WDSUB1: variants seen among roughly 807,000 people sequenced by gnomAD.
WDSUB1 encodes WD repeat, sterile alpha motif and U-box domain containing 1.
WDSUB1 carries 49 observed loss-of-function variants against 53.9 expected under a neutral mutation model. The observed-to-expected ratio is 0.91, with a 90% confidence interval of 0.72 to 1.15. The LOEUF is 1.15. Ranked by LOEUF, WDSUB1 falls within the 50% of genes most tolerant of loss-of-function variation. The pLI, the probability that WDSUB1 is intolerant of heterozygous loss-of-function variation, is 0.00. For missense variants in WDSUB1, 514 were observed against 562.0 expected, an observed-to-expected ratio of 0.91 and a Z score of 0.86; for synonymous variants, 194 against 200.6, an observed-to-expected ratio of 0.97 and a Z score of 0.28.
chr2:159,262,592 C>G (rs2061250276), intron 5 of WDSUB1, among the ~76,000 whole-genome samples: 1 of 152,114 alleles, frequency 6.6e-6, no homozygotes, highest in Admixed American at 6.5e-5. Context: ...ATTTTAAACT[C>G]ACTTCCTATT....
Position 159,256,198 on chromosome 2 carries a change from A to G in WDSUB1, c.1130T>C (p.Ile377Thr). 6.3e-7 allele frequency: 1 copy of G among 1,595,238 alleles called. No homozygotes were observed. The highest frequency in any genetic ancestry group is 8.5e-7 in the Non-Finnish European group (1 of 1,173,548). Residue 377 changes from isoleucine (I) to threonine (T), a missense_variant and splice_region_variant, in exon 9 of 11, where the codon ATT becomes ACT. Transcript: ENST00000359774. ...TGCCTATCTTTCACTAAGCTTACCA[A>G]TTTTCAAATCATCAGCCAGACTTTC... ...TKESLADDLK[I>T]ESLGLRSKVL...
intron 10 of WDSUB1, among the ~76,000 whole-genome samples, chr2:159,239,420 A>G (rs954147279): frequency 2.5e-4 from 38 of 152,310 alleles, no homozygotes; most frequent in African/African-American, 8.9e-4. Flanking sequence ...TACAAAATTC[A>G]TATTGTTTAT....
At chr2:159,286,441 A>C (rs943267397) in intron 1 of WDSUB1, 142 bp downstream of exon 1, 1 of 152,138 alleles carries the variant, frequency 6.6e-6, no homozygotes, top group Admixed American at 6.5e-5. Context: ...GCCTCGCCGC[A>C]CTCAAGGTCC....
chr2:159,248,827 A>C (rs2060881664), intron 9 of WDSUB1, among the ~76,000 whole-genome samples: 1 of 152,122 alleles, frequency 6.6e-6, no homozygotes, highest in South Asian at 2.1e-4. Flanking sequence ...GCTGGTCTCG[A>C]ATTCCTGGGT....
chr2:159,256,340 C>A lies in WDSUB1; in HGVS notation c.988G>T (p.Glu330Ter). The part of the protein sequence containing the change: ...RTEHQLKQFT[E>*]DWSEEDVSTW... ...GAGACATCCTCCTCTGACCAATCTTCGGTAAATTGCTTCAGCTGATGTTCT... is the reference window on the plus strand; with the variant it reads ...GAGACATCCTCCTCTGACCAATCTTAGGTAAATTGCTTCAGCTGATGTTCT... Residue 330 changes from glutamate to a stop codon, truncating the protein, a stop_gained, in exon 9 of 11, where the codon GAA becomes TAA. Transcript: ENST00000359774. LOFTEE classifies it high-confidence loss of function. The A allele has an allele frequency of 6.2e-7, 1 of 1,610,718 alleles. No homozygotes were observed. The highest frequency in any genetic ancestry group is 8.5e-7 in the Non-Finnish European group (1 of 1,178,910).
chr2:159,248,498 G>GCTGATT lies in WDSUB1; in HGVS notation c.1146_1147insAATCAG (p.Leu382_Arg383insAsnGln). On this transcript the variant is annotated inframe_insertion, in exon 10 of 11. Transcript: ENST00000359774. ...TCAATTTTCCTCAGCACTTTACTAC[G>GCTGATT]CAGTCCTAGAGATTCTGAAAAGAAA... 6.4e-7 allele frequency: 1 copy of GCTGATT among 1,556,264 alleles called. No individual in the cohort carries two copies. The highest frequency in any genetic ancestry group is 8.6e-7 in the Non-Finnish European group (1 of 1,159,038).
At chr2:159,273,430 A>T (rs1462199786) in intron 4 of WDSUB1, among the ~76,000 whole-genome samples, 1 of 149,890 alleles carries the variant, frequency 6.7e-6, no homozygotes, top group African/African-American at 2.4e-5. Flanking sequence ...TATTTTTATT[A>T]TTTTTTTTTT....
intron 1 of WDSUB1, among the ~76,000 whole-genome samples, chr2:159,285,143 G>A (rs551906059): frequency 6.6e-6 from 1 of 152,268 alleles, no homozygotes; most frequent in African/African-American, 2.4e-5. Flanking sequence ...ATGTAAAACT[G>A]TCAGGCACCT....
At chr2:159,267,197 G>T (rs1442031464) in intron 5 of WDSUB1, among the ~76,000 whole-genome samples, 1 of 151,984 alleles carries the variant, frequency 6.6e-6, no homozygotes, top group African/African-American at 2.4e-5. Flanking sequence ...TGCTCTTTCT[G>T]TTCCTCAATC....
At chr2:159,273,620 A>G (rs547520160) in intron 4 of WDSUB1, among the ~76,000 whole-genome samples, 178 of 152,154 alleles carry the variant, frequency 1.2e-3, no homozygotes, top group African/African-American at 4.1e-3. Context: ...GGGTTTCACC[A>G]TGTTGGCCAG....
At chr2:159,269,301 G>A (rs1217649219) in intron 5 of WDSUB1, among the ~76,000 whole-genome samples, 1 of 151,660 alleles carries the variant, frequency 6.6e-6, no homozygotes, top group African/African-American at 2.4e-5. Context: ...CTCCTGAGTA[G>A]CTGGAATTAC....
intron 10 of WDSUB1, among the ~76,000 whole-genome samples, chr2:159,247,912 T>TATATAA (rs2060847608): frequency 2.8e-5 from 2 of 72,218 alleles, no homozygotes; most frequent in Non-Finnish European, 4.7e-5. Context: ...TATATATAAA[T>TATATAA]ATATATATAT....
intron 2 of WDSUB1, 108 bp from the exon 3 acceptor site, chr2:159,280,053 A>G: frequency 2.0e-6 from 2 of 986,066 alleles, no homozygotes. Flanking sequence ...TGGCTATCAC[A>G]GAACTAGAGA....
chr2:159,246,295 G>A (rs1279816768), intron 10 of WDSUB1, among the ~76,000 whole-genome samples: 2 of 152,062 alleles, frequency 1.3e-5, no homozygotes, highest in African/African-American at 4.8e-5. Context: ...AGCCGGGCGT[G>A]GTGGTGGGTG....
chr2:159,280,708 A>AAAAAAAAAAAACAAAAAAAC (rs111752652), intron 2 of WDSUB1, among the ~76,000 whole-genome samples: 1 of 134,322 alleles, frequency 7.4e-6, no homozygotes, highest in African/African-American at 3.4e-5. Flanking sequence ...AAAAAAAAAA[A>AAAAAAAAAAAACAAAAAAAC]ATTACCCAGA....
intron 10 of WDSUB1, 127 bp downstream of exon 10, chr2:159,248,245 G>T: frequency 2.8e-6 from 3 of 1,065,300 alleles, no homozygotes; most frequent in Non-Finnish European, 2.7e-6. Flanking sequence ...TTCACCCAAG[G>T]TTTAATTAGT....
In WDSUB1 at chr2:159,240,889, C is replaced by T. The variant is rs572944707; in HGVS notation, c.1274-4699G>A. Reference sequence around the variant, plus strand: ...GGACAGGTAAACAGCAGTTAGACAACTGCAGGAAAGACAACTGGTAGGCAG... The same window carrying T: ...GGACAGGTAAACAGCAGTTAGACAATTGCAGGAAAGACAACTGGTAGGCAG... On this transcript the variant is annotated intron_variant, in intron 10 of 10. Coordinates refer to ENST00000359774, the MANE Select transcript of WDSUB1 (RefSeq NM_001128212.3). Among the ~76,000 whole-genome samples, 17 of 152,292 alleles carry T rather than the reference C, an allele frequency of 1.1e-4. No individual in the cohort carries two copies. The South Asian group carries it at 2.5e-3, about 22-fold the overall frequency.
At chr2:159,236,788 G>C (rs1379913679) in intron 10 of WDSUB1, among the ~76,000 whole-genome samples, 1 of 152,056 alleles carries the variant, frequency 6.6e-6, no homozygotes, top group Non-Finnish European at 1.5e-5. Context: ...ACCACATCTG[G>C]CTAATGTTTT....
In WDSUB1 at chr2:159,282,918, T is replaced by C; in HGVS notation, c.152A>G (p.Lys51Arg). ...GCAGTGGACAGCATAGGTATGAAAC[T>C]TCAATGGAGAATGTGGCAGTTCAGT... ...DFTELPHSPL[K>R]FHTYAVHCCC... Residue 51 changes from lysine (K) to arginine (R), a missense_variant, in exon 2 of 11, where the codon AAG becomes AGG. Transcript: ENST00000359774. 6.2e-7 allele frequency: 1 copy of C among 1,614,160 alleles called. No homozygotes were observed. Among genetic ancestry groups the C allele is most frequent in the Non-Finnish European group, 8.5e-7 (1 of 1,180,026 alleles).
Sources: allele counts gnomAD v4.1 joint callset (sites outside exome capture counted in the v4.1 genomes callset), GRCh38; gene constraint gnomAD v4.1.1; transcripts MANE v1.5; gene names NCBI Gene and HGNC (gene_info 2026-07-23, HGNC 2026-07-21).